The following PLCH1 variants were observed in gnomAD, a reference collection of about 807,000 sequenced individuals.
The protein encoded by PLCH1 is phospholipase C eta 1.
PLCH1 carries 60 observed loss-of-function variants against 126.7 expected under a neutral mutation model. The observed-to-expected ratio is 0.47, with a 90% CI of 0.38 to 0.59. The LOEUF (loss-of-function observed/expected upper bound fraction) is 0.59, where lower values mean the gene tolerates loss of function less well. PLCH1 is among the 20% of genes least tolerant of loss of function. The pLI is 0.00. For missense variants in PLCH1, 1,723 were observed against 2,040.0 expected (o/e 0.84, Z 2.99); for synonymous variants, 719 against 734.9 (o/e 0.98, Z 0.35).
At chr3:155,526,539 G>A (rs1041050993) in intron 10 of PLCH1, among the ~76,000 whole-genome samples, 2 of 134,926 alleles carry the variant, frequency 1.5e-5, no homozygotes, top group African/African-American at 5.4e-5. Flanking sequence ...CACTGGTGTC[G>A]TGAGCTGTGC....
chr3:155,659,345 C>T (rs2108932615), intron 2 of PLCH1, among the ~76,000 whole-genome samples: 1 of 38,108 alleles, frequency 2.6e-5, no homozygotes, highest in Non-Finnish European at 5.7e-5. Context: ...TTTTTTTTTC[C>T]GAGATAGGGT....
At chr3:155,672,666 C>T (rs1022101125) in intron 2 of PLCH1, among the ~76,000 whole-genome samples, 1 of 152,164 alleles carries the variant, frequency 6.6e-6, no homozygotes, top group Non-Finnish European at 1.5e-5. Flanking sequence ...GACAAGAGGT[C>T]ACGACCTTAC....
chr3:155,555,753 T>C (rs749711496), intron 8 of PLCH1, among the ~76,000 whole-genome samples: 1 of 152,056 alleles, frequency 6.6e-6, no homozygotes, highest in Non-Finnish European at 1.5e-5. Context: ...CCCTTCTCAT[T>C]TTGCTTACCT....
At chr3:155,651,503 A>G (rs73156544) in intron 2 of PLCH1, among the ~76,000 whole-genome samples, 12,478 of 152,192 alleles carry the variant, frequency 0.082, 641 homozygotes, top group African/African-American at 0.13. Context: ...CTCAAAAGAG[A>G]ACTTTTATAT....
chr3:155,703,369 GAT>G (rs1746416350), intron 2 of PLCH1, among the ~76,000 whole-genome samples: 1 of 152,156 alleles, frequency 6.6e-6, no homozygotes, highest in Non-Finnish European at 1.5e-5. Flanking sequence ...ACAGGCCTCT[GAT>G]AGAGATTACT....
intron 10 of PLCH1, among the ~76,000 whole-genome samples, chr3:155,548,684 TA>T (rs1288198615): frequency 1.3e-5 from 2 of 152,250 alleles, no homozygotes; most frequent in Non-Finnish European, 2.9e-5. Context: ...ATTTTTACTA[TA>T]AAAGTTTGCT....
At chr3:155,734,834 C>G (rs566123055) in intron 1 of PLCH1, among the ~76,000 whole-genome samples, 98 of 151,818 alleles carry the variant, frequency 6.5e-4, no homozygotes, top group African/African-American at 2.2e-3. Flanking sequence ...TCAGCCTCCC[C>G]AGTAGCTGGG....
Position 155,467,377 on chromosome 3 carries a change from C to T in PLCH1, c.2938+17979G>A, listed in dbSNP as rs183456466. Among the ~76,000 whole-genome samples, 745 of 152,202 alleles carry T rather than the reference C, an allele frequency of 4.9e-3. 4 individuals carry two copies. The highest frequency in any genetic ancestry group is 0.024 in the Middle Eastern group (7 of 294). On this transcript the variant is annotated intron_variant, in intron 21 of 21. Coordinates refer to the PLCH1 transcript ENST00000494598. Reference sequence around the variant, plus strand: ...TCACCTGGGCTCAAGAGTTCGAGACCAGCCTGGCCAACATGGTGAAACCCC... The same window carrying T: ...TCACCTGGGCTCAAGAGTTCGAGACTAGCCTGGCCAACATGGTGAAACCCC...
intron 2 of PLCH1, among the ~76,000 whole-genome samples, chr3:155,621,321 C>T (rs1736465750): frequency 6.6e-6 from 1 of 152,098 alleles, no homozygotes. Context: ...CAGCGCAAAA[C>T]GACTGAAAAT....
chr3:155,542,223 A>G (rs1270787124), intron 10 of PLCH1, among the ~76,000 whole-genome samples: 1 of 152,228 alleles, frequency 6.6e-6, no homozygotes, highest in Non-Finnish European at 1.5e-5. Context: ...ACGGCGCACC[A>G]GGAGATTATA....
rs186836304 is a variant in PLCH1 at position 155,726,856 on chromosome 3, C to T, written c.-41+17984G>A. Among the ~76,000 whole-genome samples, 1,170 of 150,408 alleles carry T rather than the reference C, an allele frequency of 7.8e-3. 3 individuals are homozygous for T. The highest frequency in any genetic ancestry group is 0.013 in the Non-Finnish European group (902 of 67,614). ...GATTACAGGCACGCGCCATCCCACCCGGCTAATTTTTTTTCTTTTTTCTTT... is the reference window on the plus strand; with the variant it reads ...GATTACAGGCACGCGCCATCCCACCTGGCTAATTTTTTTTCTTTTTTCTTT... On this transcript the variant is annotated intron_variant, in intron 1 of 22. Transcript: ENST00000460012.
chr3:155,471,703 A>G (rs1349118816), intron 21 of PLCH1, among the ~76,000 whole-genome samples: 6 of 150,614 alleles, frequency 4.0e-5, no homozygotes, highest in South Asian at 2.1e-4. Flanking sequence ...CAAATGTAAA[A>G]GAACAGAAAT....
chr3:155,570,219 C>T (rs1729016324), intron 6 of PLCH1, among the ~76,000 whole-genome samples: 1 of 152,116 alleles, frequency 6.6e-6, no homozygotes, highest in Non-Finnish European at 1.5e-5. Flanking sequence ...CAAAATCCTG[C>T]ATTTTACGTA....
At position 155,609,192 on chromosome 3, in the gene PLCH1, A is replaced by G. The variant is rs367703884; in HGVS notation, c.80-12814T>C. Among the ~76,000 whole-genome samples the G allele has an allele frequency of 1.5e-4, 23 of 152,334 alleles. No individual in the cohort carries two copies. In the South Asian group the frequency reaches 3.9e-3, roughly 26 times the overall value. ...AGCAGGGCTGGTATCCACAGCTAGG[A>G]GACATGAAGATGCCTGACATCACAG... is the stretch of plus-strand genomic sequence containing the variant. On this transcript the variant is annotated intron_variant, in intron 2 of 22. Transcript: ENST00000460012.
intron 18 of PLCH1, among the ~76,000 whole-genome samples, chr3:155,491,784 C>T (rs1716246634): frequency 6.6e-6 from 1 of 151,976 alleles, no homozygotes. Flanking sequence ...GGACAGGAGC[C>T]TTCTAGGGAT....
intron 2 of PLCH1, among the ~76,000 whole-genome samples, chr3:155,681,687 A>C (rs576830578): frequency 3.3e-5 from 5 of 152,216 alleles, no homozygotes; most frequent in Non-Finnish European, 7.3e-5. Flanking sequence ...AATCATTGCT[A>C]TAAGTTATAT....
intron 2 of PLCH1, among the ~76,000 whole-genome samples, chr3:155,645,927 G>A (rs1739983223): frequency 6.6e-6 from 1 of 152,168 alleles, no homozygotes; most frequent in South Asian, 2.1e-4. Context: ...GCAGACTTGG[G>A]ATTGACTAGT....
chr3:155,574,286 G>T (rs1320948862), intron 6 of PLCH1, among the ~76,000 whole-genome samples: 3 of 152,136 alleles, frequency 2.0e-5, no homozygotes, highest in Admixed American at 6.5e-5. Context: ...AGGGTTGGAG[G>T]AGAAAATCTG....
At chr3:155,539,099 C>T (rs1031984557) in intron 10 of PLCH1, among the ~76,000 whole-genome samples, 1 of 152,066 alleles carries the variant, frequency 6.6e-6, no homozygotes, top group Admixed American at 6.6e-5. Context: ...GATGGTTTCA[C>T]ATGTACAAGT....
Sources: allele counts gnomAD v4.1 joint callset (sites outside exome capture counted in the v4.1 genomes callset), GRCh38; gene constraint gnomAD v4.1.1; transcripts MANE v1.5; gene names NCBI Gene and HGNC (gene_info 2026-07-23, HGNC 2026-07-21).